The following SFMBT2 variants were observed in gnomAD, a reference collection of about 807,000 sequenced individuals.
SFMBT2 encodes the protein scm-like with four MBT domains protein 2.
SFMBT2 carries 38 observed loss-of-function variants against 110.1 expected under a neutral mutation model. That is an observed-to-expected ratio of 0.35 (90% CI 0.27 to 0.45). SFMBT2 has a LOEUF of 0.45. SFMBT2 is among the 20% of genes least tolerant of loss of function. The pLI, the probability that SFMBT2 is intolerant of heterozygous loss-of-function variation, is 1.00. For synonymous variants in SFMBT2, 425 were observed against 425.4 expected (o/e 1.00, Z 0.01); for missense variants, 1,011 against 1,094.9 (o/e 0.92, Z 1.08).
At chr10:7,258,800 G>A (rs1588392188) in intron 7 of SFMBT2, among the ~76,000 whole-genome samples, 1 of 152,088 alleles carries the variant, frequency 6.6e-6, no homozygotes, top group African/African-American at 2.4e-5. Flanking sequence ...GATATTAGGA[G>A]GCCAGCATTT....
intron 4 of SFMBT2, among the ~76,000 whole-genome samples, chr10:7,309,945 C>T (rs1842803528): frequency 6.6e-6 from 1 of 152,118 alleles, no homozygotes; most frequent in African/African-American, 2.4e-5. Flanking sequence ...AGTATCAGCA[C>T]TATTGACACT....
rs375561941 is a variant in SFMBT2 at position 7,197,560 on chromosome 10, C to T, written c.1686G>A (p.Leu562=). ...GCACGGGCTTTACCTCTTTAAGAAC[C>T]AGCACGCATTTGCCCGGTCCCACCG... ...PQSVGPGKCV[L]VLKEVLSMII... Residue 562 remains leucine (L), a synonymous_variant, in exon 15 of 21, where the codon CTG becomes CTA. Coordinates refer to ENST00000397167, the MANE Select transcript of SFMBT2 (RefSeq NM_001387889.1). The T allele has an allele frequency of 4.3e-6, 7 of 1,614,070 alleles. No homozygotes were observed. Among genetic ancestry groups the T allele is most frequent in the Non-Finnish European group, 5.9e-6 (7 of 1,179,972 alleles).
chr10:7,291,088 T>A (rs1842249710), intron 4 of SFMBT2, among the ~76,000 whole-genome samples: 1 of 152,182 alleles, frequency 6.6e-6, no homozygotes, highest in Admixed American at 6.5e-5. Context: ...AGACCCATGC[T>A]GGGGTCAGGA....
intron 4 of SFMBT2, among the ~76,000 whole-genome samples, chr10:7,310,959 A>C (rs572331391): frequency 1.7e-4 from 25 of 151,138 alleles, no homozygotes; most frequent in African/African-American, 6.1e-4. Flanking sequence ...AGGCAGGAGA[A>C]TCGCTTGAAC....
Position 7,237,808 on chromosome 10 carries a change from T to C in SFMBT2, c.1120+5750A>G, listed in dbSNP as rs906713842. ...GTATTATATGATAAGGTCTGTGATA[T>C]ACTGCAGGGAAGGAGATGCAAATGT... On this transcript the variant is annotated intron_variant, in intron 9 of 20. Transcript: ENST00000397167. Among the ~76,000 whole-genome samples, 8 of 152,308 alleles carry C rather than the reference T, an allele frequency of 5.3e-5. No homozygotes were observed. In the South Asian group the frequency reaches 6.2e-4, roughly 12 times the overall value.
intron 4 of SFMBT2, chr10:7,348,154 C>A: frequency 1.7e-6 from 1 of 583,294 alleles, no homozygotes; most frequent in Non-Finnish European, 2.7e-6. Flanking sequence ...GTTCTAAAAA[C>A]ATTTTATTTT....
intron 4 of SFMBT2, among the ~76,000 whole-genome samples, chr10:7,290,552 C>T (rs1388358284): frequency 1.3e-5 from 2 of 152,088 alleles, no homozygotes; most frequent in East Asian, 1.9e-4. Flanking sequence ...ATAAAGCTGC[C>T]GAGCTGGACA....
Position 7,296,778 on chromosome 10 carries a change from G to A in SFMBT2, c.437-10824C>T, listed in dbSNP as rs570029638. Among the ~76,000 whole-genome samples the A allele has an allele frequency of 1.4e-4, 21 of 152,296 alleles. No homozygotes were observed. The South Asian group carries it at 3.9e-3, about 29-fold the overall frequency. On this transcript the variant is annotated intron_variant, in intron 4 of 20. Transcript: ENST00000397167. ...GGTGAGATTAACATTTTAATTGCTG[G>A]GCTTTGAGTAAAGCAGGCCGTCCTC...
intron 3 of SFMBT2, 147 bp from the exon 4 acceptor site, chr10:7,368,036 A>G (rs1844958723): frequency 4.9e-6 from 6 of 1,212,382 alleles, no homozygotes; most frequent in African/African-American, 1.5e-5. Context: ...GTAATACACT[A>G]TGGAAGCCAC....
intron 11 of SFMBT2, among the ~76,000 whole-genome samples, chr10:7,218,327 T>G (rs1033844071): frequency 6.6e-6 from 1 of 152,110 alleles, no homozygotes; most frequent in African/African-American, 2.4e-5. Context: ...AAGCTGTCAC[T>G]CTGAAAGGTC....
At chr10:7,267,588 G>T (rs2131797159) in intron 7 of SFMBT2, among the ~76,000 whole-genome samples, 2 of 152,224 alleles carry the variant, frequency 1.3e-5, no homozygotes, top group Non-Finnish European at 2.9e-5. Flanking sequence ...GTAGAGATGT[G>T]GTTTCACCAT....
intron 4 of SFMBT2, among the ~76,000 whole-genome samples, chr10:7,307,260 T>C (rs943867764): frequency 2.0e-5 from 3 of 152,176 alleles, no homozygotes; most frequent in Non-Finnish European, 2.9e-5. Flanking sequence ...TATAAAGATG[T>C]ACATTTTCCT....
chr10:7,376,907 C>T (rs1418169742), intron 2 of SFMBT2, among the ~76,000 whole-genome samples: 1 of 149,736 alleles, frequency 6.7e-6, no homozygotes, highest in South Asian at 2.1e-4. Context: ...TGTGGTGGCT[C>T]ACGCCTGTAA....
intron 7 of SFMBT2, among the ~76,000 whole-genome samples, chr10:7,272,646 C>A (rs904980647): frequency 6.6e-6 from 1 of 152,174 alleles, no homozygotes; most frequent in Non-Finnish European, 1.5e-5. Flanking sequence ...TCCTGGAACG[C>A]TGGCAGTCAG....
intron 4 of SFMBT2, among the ~76,000 whole-genome samples, chr10:7,344,973 A>AG (rs1321533699): frequency 6.6e-6 from 1 of 151,346 alleles, no homozygotes; most frequent in African/African-American, 2.4e-5. Context: ...AAAAAAAAAA[A>AG]AAAAAAAGAG....
intron 11 of SFMBT2, chr10:7,215,712 AT>A (rs1229522041): frequency 7.4e-5 from 73 of 985,290 alleles, no homozygotes; most frequent in Non-Finnish European, 8.8e-5. Flanking sequence ...TGGCCGATGA[AT>A]TTAAGCCCAC....
intron 7 of SFMBT2, among the ~76,000 whole-genome samples, chr10:7,261,753 T>C (rs997484792): frequency 2.0e-5 from 3 of 152,242 alleles, no homozygotes; most frequent in African/African-American, 7.2e-5. Context: ...ACATCATATA[T>C]TCATGTAAAG....
chr10:7,409,944 C>T (rs536749612), intron 1 of SFMBT2, among the ~76,000 whole-genome samples: 2 of 151,882 alleles, frequency 1.3e-5, no homozygotes, highest in East Asian at 1.9e-4. Flanking sequence ...CCTCCAGGAT[C>T]CCCCAGCTCC....
At position 7,377,117 on chromosome 10, in the gene SFMBT2, C is replaced by T. The variant is rs571122209; in HGVS notation, c.100+4682G>A. Among the ~76,000 whole-genome samples, 6 of 134,814 alleles carry T rather than the reference C, an allele frequency of 4.5e-5. No individual in the cohort carries two copies. The East Asian group carries it at 9.1e-4, about 21-fold the overall frequency. The allele number at this position is 134,814 out of a possible 152,430, so 88.4% of individuals were successfully genotyped here. A position where few individuals can be genotyped will look rare whatever the true frequency, so the allele number is the denominator to read the frequency against. ...CAGGGAGTCAGAGGTTGCAGTGAGC[C>T]GAGATCGCACCATTGCACTCCAGCC... is the stretch of plus-strand genomic sequence containing the variant. On this transcript the variant is annotated intron_variant, in intron 2 of 20. Transcript: ENST00000397167.
Sources: gnomAD v4.1 joint callset for allele counts (sites outside exome capture counted in the v4.1 genomes callset) on GRCh38, gnomAD v4.1.1 for gene constraint, MANE v1.5 for transcripts, NCBI Gene and HGNC (gene_info 2026-07-23, HGNC 2026-07-21) for gene names.